POU2F2: variants seen among roughly 807,000 people sequenced by gnomAD.
POU2F2 encodes POU class 2 homeobox 2, also known as POU domain, class 2, transcription factor 2.
Under a neutral mutation model 63.5 loss-of-function variants are expected in POU2F2, and 14 were observed. The ratio of observed to expected loss-of-function variants is 0.22; its 90% CI spans 0.15 to 0.34. The LOEUF is 0.34. Ranked by LOEUF, POU2F2 falls within the 10% of genes least tolerant of loss-of-function variation. POU2F2 has a pLI of 1.00. For synonymous variants in POU2F2, 306 were observed against 348.6 expected, an observed-to-expected ratio of 0.88 and a Z score of 1.36; for missense variants, 607 against 815.2, an observed-to-expected ratio of 0.74 and a Z score of 3.11.
intron 5 of POU2F2, among the ~76,000 whole-genome samples, chr19:42,116,475 C>G (rs2146557836): frequency 6.6e-6 from 1 of 152,288 alleles, no homozygotes; most frequent in South Asian, 2.1e-4. Flanking sequence ...GCCCCCAACA[C>G]ACCACCAGAG....
chr19:42,145,858 C>T lies in POU2F2; in HGVS notation c.-9+14474G>A, dbSNP rs148328822. 3.1e-3 allele frequency among the ~76,000 whole-genome samples: 478 copies of T among 151,978 alleles called. 3 individuals carry two copies. Among genetic ancestry groups the T allele is most frequent in the African/African-American group, 9.4e-3 (391 of 41,460 alleles). On this transcript the variant is annotated intron_variant, in intron 2 of 6. Transcript: ENST00000524801. ...CTGAGGCAGAAGAATCACTTAAACC[C>T]GGGAGGCGGAGGTTGCAGTGAGCTG... is the stretch of plus-strand genomic sequence containing the variant.
At chr19:42,142,646 A>G (rs560870155) in intron 2 of POU2F2, among the ~76,000 whole-genome samples, 1 of 151,682 alleles carries the variant, frequency 6.6e-6, no homozygotes, top group Admixed American at 6.6e-5. Context: ...GCTCACTGCA[A>G]CTGCCACCCC....
intron 5 of POU2F2, among the ~76,000 whole-genome samples, chr19:42,103,696 C>T (rs2077229504): frequency 7.0e-6 from 1 of 142,168 alleles, no homozygotes; most frequent in South Asian, 2.2e-4. Flanking sequence ...GCAGTGGCAC[C>T]ATCTCGGCTC....
At chr19:42,125,040 G>A (rs542846898) in intron 1 of POU2F2, among the ~76,000 whole-genome samples, 2 of 152,136 alleles carry the variant, frequency 1.3e-5, no homozygotes, top group South Asian at 2.1e-4. Context: ...CTCTATATAC[G>A]TTATGTTTTA....
Position 42,091,100 on chromosome 19 carries a change from T to G in POU2F2, c.*157A>C. The G allele has an allele frequency of 3.6e-6, 2 of 560,478 alleles. No homozygotes were observed. Among genetic ancestry groups the G allele is most frequent in the Non-Finnish European group, 5.5e-6 (2 of 364,604 alleles). 34.7% of individuals were successfully genotyped at this position (560,478 alleles called of 1,614,324 possible). The stretch of plus-strand genomic sequence containing the variant: ...TTGTTGGTTAGTTTCTTTCCTTTTT[T>G]TTTTTTTTTTTGGTTGGTTGTTTTT... On this transcript the variant is annotated 3_prime_UTR_variant, in exon 15 of 15. Coordinates refer to ENST00000692977, the MANE Select transcript of POU2F2 (RefSeq NM_001394376.1).
chr19:42,096,255 G>A lies in POU2F2; in HGVS notation c.568-12C>T. On this transcript the variant is annotated splice_polypyrimidine_tract_variant and intron_variant, in intron 7 of 14. Transcript: ENST00000692977. The surrounding 1 kb of genome is among the most constrained non-coding windows in gnomAD (Gnocchi z 4.1). Reference sequence around the variant, plus strand: ...GGGCGGGTCACGGCCTGGTGGGGTGGGCAGGTGGGTGGGATGCAGGGCGGA... The same window carrying A: ...GGGCGGGTCACGGCCTGGTGGGGTGAGCAGGTGGGTGGGATGCAGGGCGGA... 6.4e-6 allele frequency: 10 copies of A among 1,550,652 alleles called. No individual in the cohort carries two copies. The highest frequency in any genetic ancestry group is 8.7e-6 in the Non-Finnish European group (10 of 1,149,434).
chr19:42,122,549 G>T lies in POU2F2; in HGVS notation c.56C>A (p.Ala19Asp). 1.2e-6 allele frequency: 2 copies of T among 1,601,570 alleles called. No individual in the cohort carries two copies. The highest frequency in any genetic ancestry group is 1.7e-6 in the Non-Finnish European group (2 of 1,174,212). ...TGGGGAGTCCAGACCTTGCTTCTCG[G>T]CCTCCAGGGGCTTAGACATTCTTAT... ...PEIRMSKPLE[A>D]EKQGLDSPSE... Residue 19 changes from alanine to aspartate, a missense_variant, in exon 2 of 15, where the codon GCC becomes GAC. By Grantham distance (126) the Ala-to-Asp change is moderately radical (BLOSUM62 -2). This residue lies in a region of POU2F2 where 224 missense variants were observed against 264.3 expected (regional missense o/e 0.85). Coordinates refer to ENST00000692977, the MANE Select transcript of POU2F2 (RefSeq NM_001394376.1).
Position 42,089,436 on chromosome 19 carries a change from G to C in POU2F2, c.*1821C>G, listed in dbSNP as rs2076645376. On this transcript the variant is annotated 3_prime_UTR_variant, in exon 15 of 15. Transcript: ENST00000692977. ...TTTTTAAAGCTTTTTCAGTTGATTT[G>C]GGAGGGGAGTTTGGGGCTCTTCACC... is the stretch of plus-strand genomic sequence containing the variant. 6.6e-6 allele frequency: 1 copy of C among 151,962 alleles called. No individual in the cohort carries two copies. Among genetic ancestry groups the C allele is most frequent in the South Asian group, 2.1e-4 (1 of 4,810 alleles). 9.4% of individuals were successfully genotyped at this position (151,962 alleles called of 1,614,324 possible).
Position 42,091,353 on chromosome 19 carries a change from A to C in POU2F2, c.1779T>G (p.Ser593=). Residue 593 remains serine, a synonymous_variant, in exon 15 of 15, where the codon TCT becomes TCG. Coordinates refer to ENST00000692977, the MANE Select transcript of POU2F2 (RefSeq NM_001394376.1). ...SKSPGLSSSS[S]SSSSSSSSTC... ...TGGAGGAGGAGGAGGATGAGGATGA[A>C]GAGGATGAGGAGGAGAGGCCAGGAG... 2 of 1,537,328 alleles carry C rather than the reference A, an allele frequency of 1.3e-6. No individual in the cohort carries two copies. Among genetic ancestry groups the C allele is most frequent in the Non-Finnish European group, 1.7e-6 (2 of 1,146,770 alleles).
rs780088062 is a variant in POU2F2 at position 42,095,272 on chromosome 19, C to A, written c.1197+14G>T. 2 of 1,607,898 alleles carry A rather than the reference C, an allele frequency of 1.2e-6. No individual in the cohort carries two copies. Among genetic ancestry groups the A allele is most frequent in the Admixed American group, 1.7e-5 (1 of 59,360 alleles). On this transcript the variant is annotated intron_variant, in intron 11 of 14. Transcript: ENST00000692977. This position sits in a 1 kb window ranked among gnomAD's most constrained non-coding sequence, Gnocchi z 7.1. Reference sequence around the variant, plus strand: ...CTCTGTGGTCTCCCCACCCCCCAGGCGGGCTCTTGGTACCATATGGGGGCT... The same window carrying A: ...CTCTGTGGTCTCCCCACCCCCCAGGAGGGCTCTTGGTACCATATGGGGGCT...
exon 1 of POU2F2, chr19:42,196,450 A>T (rs540514791): frequency 1.3e-5 from 2 of 152,426 alleles, no homozygotes; most frequent in African/African-American, 4.8e-5. Context: ...GGGCTGAAAA[A>T]TTCCAGCAAA....
At position 42,117,169 on chromosome 19, in the gene POU2F2, G is replaced by T; in HGVS notation, c.369+81C>A. The T allele has an allele frequency of 8.6e-7, 1 of 1,162,028 alleles. No individual in the cohort carries two copies. Among genetic ancestry groups the T allele is most frequent in the Non-Finnish European group, 1.2e-6 (1 of 829,226 alleles). 72.0% of individuals were successfully genotyped at this position (1,162,028 alleles called of 1,614,324 possible). A position where few individuals can be genotyped will look rare whatever the true frequency, so the allele number is the denominator to read the frequency against. On this transcript the variant is annotated intron_variant, in intron 5 of 14. Coordinates refer to ENST00000692977, the MANE Select transcript of POU2F2 (RefSeq NM_001394376.1). This position sits in a 1 kb window ranked among gnomAD's most constrained non-coding sequence, Gnocchi z 4.4. ...TGAGAGAGTGGCCATGGCCTTGGTG[G>T]AACAGTTCATCCACTAGCCCTGTAA...
At position 42,155,672 on chromosome 19, in the gene POU2F2, C is replaced by T. The variant is rs1221089698; in HGVS notation, c.-9+4660G>A. 3 of 152,270 alleles carry T rather than the reference C, an allele frequency of 2.0e-5. No individual in the cohort carries two copies. The highest frequency in any genetic ancestry group is 2.9e-5 in the Non-Finnish European group (2 of 68,100). 9.4% of individuals were successfully genotyped at this position (152,270 alleles called of 1,614,324 possible). A position where few individuals can be genotyped will look rare whatever the true frequency, so the allele number is the denominator to read the frequency against. ...TTTTCCCTCAATCACCTTTTATCCT[C>T]CTCTCTTTCCTACCCCACCTCACAC... On this transcript the variant is annotated intron_variant, in intron 2 of 6. Transcript: ENST00000524801. This position sits in a 1 kb window ranked among gnomAD's most constrained non-coding sequence, Gnocchi z 4.2.
At chr19:42,093,570 G>A in intron 12 of POU2F2, 1 of 389,226 alleles carries the variant, frequency 2.6e-6, no homozygotes, top group East Asian at 3.7e-5. Flanking sequence ...ACAGAGGCCA[G>A]GCACAAAACT....
chr19:42,123,304 A>C (rs1266680969), intron 1 of POU2F2: 2 of 152,290 alleles, frequency 1.3e-5, no homozygotes, highest in African/African-American at 4.8e-5. Flanking sequence ...CTGCAGTCTC[A>C]AGTCCACCCC....
chr19:42,103,286 G>A (rs1238959552), intron 5 of POU2F2, among the ~76,000 whole-genome samples: 5 of 152,050 alleles, frequency 3.3e-5, no homozygotes, highest in African/African-American at 4.8e-5. Flanking sequence ...TTCATGACAT[G>A]CCCCTCTCAC....
At position 42,095,735 on chromosome 19, in the gene POU2F2, G is replaced by A. The variant is rs1873861065; in HGVS notation, c.872-42C>T. The A allele has an allele frequency of 6.2e-6, 10 of 1,612,374 alleles. No individual in the cohort carries two copies. Among genetic ancestry groups the A allele is most frequent in the African/African-American group, 1.3e-5 (1 of 75,032 alleles). On this transcript the variant is annotated intron_variant, in intron 9 of 14. Coordinates refer to ENST00000692977, the MANE Select transcript of POU2F2 (RefSeq NM_001394376.1). The surrounding 1 kb of genome is among the most constrained non-coding windows in gnomAD (Gnocchi z 7.1). ...ACGTGAGCATGAGAAGGGGCCTCCC[G>A]CGGCCAGCGGCCACTGCCCGCCCCC...
chr19:42,123,805 C>T (rs962903452), intron 1 of POU2F2, among the ~76,000 whole-genome samples: 1 of 152,152 alleles, frequency 6.6e-6, no homozygotes, highest in Admixed American at 6.5e-5. Flanking sequence ...CTGACCCATC[C>T]TTAGTCCACT....
intron 2 of POU2F2, among the ~76,000 whole-genome samples, chr19:42,143,782 C>G (rs2034176046): frequency 6.6e-6 from 1 of 152,152 alleles, no homozygotes; most frequent in South Asian, 2.1e-4. Flanking sequence ...CAGTGCAGTC[C>G]TTCCCCAGGT....
Sources: gnomAD v4.1 joint callset for allele counts (sites outside exome capture counted in the v4.1 genomes callset) on GRCh38, gnomAD v4.1.1 for gene constraint, gnomAD v4.1.1 regional missense constraint, Gnocchi (gnomAD v3.1) non-coding constraint, MANE v1.5 for transcripts, NCBI Gene and HGNC (gene_info 2026-07-23, HGNC 2026-07-21) for gene names.